RBPJ: variants seen among roughly 807,000 people sequenced by gnomAD.
RBPJ encodes the protein recombining binding protein suppressor of hairless.
RBPJ carries 9 observed loss-of-function variants against 67.8 expected under a neutral mutation model. The observed-to-expected ratio is 0.13, with a 90% CI of 0.08 to 0.23. RBPJ has a LOEUF of 0.23. Among genes scored for constraint, RBPJ ranks in the 10% least tolerant of loss-of-function variants. The pLI is 1.00. For missense variants in RBPJ, 305 were observed against 595.6 expected, an observed-to-expected ratio of 0.51 and a Z score of 5.08; for synonymous variants, 198 against 203.3, an observed-to-expected ratio of 0.97 and a Z score of 0.22.
intron 5 of RBPJ, among the ~76,000 whole-genome samples, chr4:26,422,788 AATCTT>A (rs1388075078): frequency 6.6e-6 from 1 of 152,216 alleles, no homozygotes; most frequent in Admixed American, 6.5e-5. Flanking sequence ...ACATTCAACC[AATCTT>A]ATCTTCATCT....
chr4:26,390,708 T>G (rs1006273493), intron 2 of RBPJ, among the ~76,000 whole-genome samples: 8 of 152,202 alleles, frequency 5.3e-5, no homozygotes, highest in African/African-American at 1.7e-4. Flanking sequence ...TACCAAACAT[T>G]ACTGGGAGAA....
At chr4:26,412,357 G>A (rs924473183) in intron 3 of RBPJ, among the ~76,000 whole-genome samples, 1 of 151,952 alleles carries the variant, frequency 6.6e-6, no homozygotes, top group African/African-American at 2.4e-5. Flanking sequence ...TCAGCCTCCT[G>A]AGTAACTGGG....
At chr4:26,408,526 A>C (rs1733703222) in intron 3 of RBPJ, among the ~76,000 whole-genome samples, 3 of 152,086 alleles carry the variant, frequency 2.0e-5, no homozygotes, top group Admixed American at 6.6e-5. Flanking sequence ...ATCATTATGG[A>C]GGAAGAATCT....
intron 1 of RBPJ, among the ~76,000 whole-genome samples, chr4:26,286,608 A>T (rs1226569468): frequency 6.6e-6 from 1 of 152,084 alleles, no homozygotes; most frequent in African/African-American, 2.4e-5. Context: ...CTGCACATAG[A>T]ACATCCCATT....
At chr4:26,314,386 C>T (rs1722535478) in intron 1 of RBPJ, among the ~76,000 whole-genome samples, 1 of 152,092 alleles carries the variant, frequency 6.6e-6, no homozygotes, top group East Asian at 1.9e-4. Flanking sequence ...GTAGGATGAA[C>T]AGGTAGTGAC....
intron 5 of RBPJ, 162 bp downstream of exon 5, chr4:26,420,887 A>G (rs995917961): frequency 2.9e-5 from 17 of 581,282 alleles, no homozygotes; most frequent in African/African-American, 2.9e-4. Context: ...AATCGACAGT[A>G]TGTGGTCTAA....
rs147104883 is a variant in RBPJ at position 26,351,638 on chromosome 4, C to T, written c.20+30590C>T. Among the ~76,000 whole-genome samples, 49 of 152,324 alleles carry T rather than the reference C, an allele frequency of 3.2e-4. No homozygotes were observed. The East Asian group carries it at 8.3e-3, about 26-fold the overall frequency. ...TCAAGTCTTCCGCCTGCCTTGGCCTCCCAGAGTGTTGGGATTACAGGCCTG... is the reference window on the plus strand; with the variant it reads ...TCAAGTCTTCCGCCTGCCTTGGCCTTCCAGAGTGTTGGGATTACAGGCCTG... On this transcript the variant is annotated intron_variant, in intron 1 of 10. Coordinates refer to ENST00000355476, the MANE Select transcript of RBPJ (RefSeq NM_015874.6).
At chr4:26,110,769 T>TA in the RBPJ span, among the ~76,000 whole-genome samples, 1 of 152,020 alleles carries the variant, frequency 6.6e-6, no homozygotes, top group South Asian at 2.1e-4. This position sits in a 1 kb window ranked among gnomAD's most constrained non-coding sequence, Gnocchi z 4.5. Context: ...GGTGTGTCCA[T>TA]AGGTGGGTGT....
intron 1 of RBPJ, among the ~76,000 whole-genome samples, chr4:26,217,641 G>A (rs889081967): frequency 6.6e-6 from 1 of 152,122 alleles, no homozygotes; most frequent in African/African-American, 2.4e-5. Flanking sequence ...TTGCCTCTTG[G>A]CAGCGCTGTT....
intron 1 of RBPJ, among the ~76,000 whole-genome samples, chr4:26,202,506 A>T (rs1183528959): frequency 6.7e-6 from 1 of 150,290 alleles, no homozygotes; most frequent in African/African-American, 2.4e-5. Flanking sequence ...TTTCATTGGC[A>T]CTGTTTGCTT....
intron 1 of RBPJ, among the ~76,000 whole-genome samples, chr4:26,186,005 C>T (rs566061341): frequency 6.6e-6 from 1 of 152,056 alleles, no homozygotes; most frequent in East Asian, 1.9e-4. Context: ...GAGATGGCGC[C>T]ATTGCACTCC....
At chr4:26,414,176 AT>A (rs577760546) in intron 3 of RBPJ, among the ~76,000 whole-genome samples, 100 of 146,852 alleles carry the variant, frequency 6.8e-4, no homozygotes, top group Admixed American at 6.8e-4. Context: ...GATATTCCTA[AT>A]TTTTTTTTTT....
the RBPJ span, among the ~76,000 whole-genome samples, chr4:26,155,559 C>T: frequency 2.0e-5 from 3 of 151,910 alleles, no homozygotes; most frequent in African/African-American, 4.8e-5. Flanking sequence ...CTCAGCCTCC[C>T]GAGTAGCTGG....
chr4:26,403,534 C>T (rs897877022), intron 2 of RBPJ, among the ~76,000 whole-genome samples: 5 of 152,162 alleles, frequency 3.3e-5, no homozygotes, highest in Non-Finnish European at 7.3e-5. Context: ...CTCCCACCTC[C>T]CAAGCTCCAC....
intron 1 of RBPJ, among the ~76,000 whole-genome samples, chr4:26,281,168 G>A (rs759072738): frequency 1.8e-4 from 28 of 152,062 alleles, no homozygotes; most frequent in Non-Finnish European, 2.6e-4. Context: ...GAAGAAAGGA[G>A]GTTTAATTGA....
At chr4:26,305,280 C>T (rs1315823205) in intron 1 of RBPJ, among the ~76,000 whole-genome samples, 1 of 152,154 alleles carries the variant, frequency 6.6e-6, no homozygotes, top group African/African-American at 2.4e-5. Context: ...AGTCCTCCAA[C>T]TCTGTTCTTC....
At chr4:26,325,253 T>G (rs1458556697) in intron 1 of RBPJ, among the ~76,000 whole-genome samples, 2 of 152,214 alleles carry the variant, frequency 1.3e-5, no homozygotes, top group Non-Finnish European at 2.9e-5. Context: ...ATTTCTCACC[T>G]GGTTTACTAT....
intron 1 of RBPJ, among the ~76,000 whole-genome samples, chr4:26,245,547 G>C (rs1398670334): frequency 6.6e-6 from 1 of 152,128 alleles, no homozygotes; most frequent in East Asian, 1.9e-4. Flanking sequence ...TCACTTTTGT[G>C]ACAGTCTCCT....
the RBPJ span, among the ~76,000 whole-genome samples, chr4:26,109,475 T>TACACACAC: frequency 2.8e-4 from 14 of 49,852 alleles, no homozygotes; most frequent in African/African-American, 1.1e-3. Context: ...TATATATATA[T>TACACACAC]ATATATATAT....
Sources: allele counts gnomAD v4.1 joint callset (sites outside exome capture counted in the v4.1 genomes callset), GRCh38; gene constraint gnomAD v4.1.1; non-coding constraint Gnocchi (gnomAD v3.1); transcripts MANE v1.5; gene names NCBI Gene and HGNC (gene_info 2026-07-23, HGNC 2026-07-21).